COMMD10: variants seen among roughly 807,000 people sequenced by gnomAD.
COMMD10 encodes the protein COMM domain containing 10.
A neutral mutation model predicts 28.9 loss-of-function variants in COMMD10; 33 were observed. That is an observed-to-expected ratio of 1.14 (90% CI 0.87 to 1.53). COMMD10 has a LOEUF of 1.53. Among genes scored for constraint, COMMD10 ranks in the 40% most tolerant of loss-of-function variants. COMMD10 has a pLI of 0.00. For synonymous variants in COMMD10, 110 were observed against 81.7 expected (o/e 1.35, Z -1.87); for missense variants, 310 against 233.4 (o/e 1.33, Z -2.14).
chr5:116,094,743 C>T (rs1347304439), intron 4 of COMMD10, among the ~76,000 whole-genome samples: 1 of 152,072 alleles, frequency 6.6e-6, no homozygotes, highest in East Asian at 1.9e-4. Flanking sequence ...CAACACTGTT[C>T]ACAATAGCAA....
intron 1 of COMMD10, among the ~76,000 whole-genome samples, chr5:116,085,796 A>G (rs1334637787): frequency 6.6e-6 from 1 of 152,242 alleles, no homozygotes; most frequent in Non-Finnish European, 1.5e-5. Context: ...GTACTGAAGT[A>G]TATAGGCAAA....
intron 4 of COMMD10, among the ~76,000 whole-genome samples, chr5:116,094,635 A>T (rs1227503918): frequency 6.6e-6 from 1 of 152,224 alleles, no homozygotes; most frequent in Non-Finnish European, 1.5e-5. Context: ...AACTAAAATT[A>T]GAACTACCAC....
intron 5 of COMMD10, among the ~76,000 whole-genome samples, chr5:116,215,092 G>A (rs1259812735): frequency 6.6e-6 from 1 of 151,818 alleles, no homozygotes; most frequent in African/African-American, 2.4e-5. Flanking sequence ...TATTGGTTTA[G>A]TTTCTTTTGA....
intron 5 of COMMD10, among the ~76,000 whole-genome samples, chr5:116,195,126 T>G (rs1748474238): frequency 6.6e-6 from 1 of 152,064 alleles, no homozygotes; most frequent in African/African-American, 2.4e-5. Flanking sequence ...TCTTTATGAT[T>G]AAAACTCTCA....
At chr5:116,275,638 A>G (rs1393125698) in intron 5 of COMMD10, among the ~76,000 whole-genome samples, 2 of 151,850 alleles carry the variant, frequency 1.3e-5, no homozygotes, top group Non-Finnish European at 2.9e-5. Flanking sequence ...ATTAGTCTCA[A>G]TATCCATAAA....
intron 5 of COMMD10, among the ~76,000 whole-genome samples, chr5:116,196,341 T>C (rs1037953426): frequency 6.6e-6 from 1 of 151,710 alleles, no homozygotes; most frequent in Non-Finnish European, 1.5e-5. Flanking sequence ...TTCGAGGACT[T>C]GGGGTGAAGA....
At chr5:116,168,601 A>C (rs1264675539) in intron 5 of COMMD10, among the ~76,000 whole-genome samples, 2 of 152,206 alleles carry the variant, frequency 1.3e-5, no homozygotes, top group East Asian at 3.8e-4. Context: ...AGTCCTCAGC[A>C]AATGCAAAAG....
At chr5:116,274,896 C>A in intron 5 of COMMD10, among the ~76,000 whole-genome samples, 1 of 151,786 alleles carries the variant, frequency 6.6e-6, no homozygotes, top group East Asian at 1.9e-4. Flanking sequence ...CCCTCCTGAG[C>A]ACTCTTAAGT....
At chr5:116,138,604 G>A (rs1273419145) in intron 5 of COMMD10, among the ~76,000 whole-genome samples, 1 of 151,714 alleles carries the variant, frequency 6.6e-6, no homozygotes, top group East Asian at 1.9e-4. Context: ...ATCTTTTGAG[G>A]AAGGATCCTT....
chr5:116,246,875 T>C (rs1749964869), intron 5 of COMMD10, among the ~76,000 whole-genome samples: 1 of 152,068 alleles, frequency 6.6e-6, no homozygotes, highest in Non-Finnish European at 1.5e-5. Flanking sequence ...ATAAAACCCC[T>C]GGAAGACAAC....
chr5:116,266,255 G>A (rs1750581799), intron 5 of COMMD10, among the ~76,000 whole-genome samples: 1 of 151,570 alleles, frequency 6.6e-6, no homozygotes, highest in South Asian at 2.1e-4. Context: ...TGAATGTAAT[G>A]CATGTTTTCA....
intron 4 of COMMD10, among the ~76,000 whole-genome samples, chr5:116,125,029 A>C (rs1751576694): frequency 6.6e-6 from 1 of 152,060 alleles, no homozygotes; most frequent in Admixed American, 6.6e-5. Flanking sequence ...TGTGTCTCTT[A>C]ATTGGAACAT....
In COMMD10 at chr5:116,285,481, A is replaced by C. The variant is rs138525156; in HGVS notation, c.511-6036A>C. On this transcript the variant is annotated intron_variant, in intron 5 of 6. Coordinates refer to ENST00000274458, the MANE Select transcript of COMMD10 (RefSeq NM_016144.4). ...AGACTATGGAGTATATGCTGTCTAC[A>C]AATAGACATGAAACACTTACCACTG... Among the ~76,000 whole-genome samples, 6 of 152,024 alleles carry C rather than the reference A, an allele frequency of 3.9e-5. No individual in the cohort carries two copies. The East Asian group carries it at 1.2e-3, about 29-fold the overall frequency.
intron 4 of COMMD10, among the ~76,000 whole-genome samples, chr5:116,110,364 T>C (rs1262359553): frequency 6.6e-6 from 1 of 152,220 alleles, no homozygotes; most frequent in East Asian, 1.9e-4. Flanking sequence ...GGTTTTGGTA[T>C]TGGGATGATA....
At chr5:116,197,033 C>G (rs1381982262) in intron 5 of COMMD10, among the ~76,000 whole-genome samples, 2 of 152,002 alleles carry the variant, frequency 1.3e-5, no homozygotes, top group East Asian at 3.9e-4. Context: ...TAATTTATAT[C>G]AGAAGTATAT....
chr5:116,291,453 A>G, intron 5 of COMMD10, 64 bp from the exon 6 acceptor site: 2 of 1,132,096 alleles, frequency 1.8e-6, no homozygotes, highest in East Asian at 2.4e-5. Flanking sequence ...GGTTAGCTGG[A>G]GAGAAAAAAT....
chr5:116,120,779 C>G (rs1035325383), intron 4 of COMMD10, among the ~76,000 whole-genome samples: 1 of 149,354 alleles, frequency 6.7e-6, no homozygotes, highest in African/African-American at 2.5e-5. Context: ...GAGTAGTATT[C>G]TACCATTTGG....
chr5:116,204,780 A>G (rs915285902), intron 5 of COMMD10, among the ~76,000 whole-genome samples: 6 of 152,110 alleles, frequency 3.9e-5, no homozygotes, highest in African/African-American at 7.2e-5. Context: ...CTGCTTGTCA[A>G]CCTTTTATTT....
intron 5 of COMMD10, among the ~76,000 whole-genome samples, chr5:116,249,484 A>G (rs1331062532): frequency 1.3e-5 from 2 of 151,972 alleles, no homozygotes; most frequent in African/African-American, 4.8e-5. Flanking sequence ...TATATAAGCA[A>G]TGGTAATAAA....
Sources: gnomAD v4.1 joint callset for allele counts (sites outside exome capture counted in the v4.1 genomes callset) on GRCh38, gnomAD v4.1.1 for gene constraint, MANE v1.5 for transcripts, NCBI Gene and HGNC (gene_info 2026-07-23, HGNC 2026-07-21) for gene names.